ADGRA3: variants seen among roughly 807,000 people sequenced by gnomAD.
ADGRA3 encodes G-protein coupled receptor 125.
A neutral mutation model predicts 119.8 loss-of-function variants in ADGRA3; 56 were observed. The observed-to-expected ratio is 0.47, with a 90% CI of 0.38 to 0.58. ADGRA3 has a LOEUF of 0.58. Ranked by LOEUF, ADGRA3 falls within the 20% of genes least tolerant of loss-of-function variation. The probability of loss-of-function intolerance (pLI) is 0.00; values close to 1 mark genes in which losing one functional copy is unlikely to be tolerated. For missense variants in ADGRA3, 1,516 were observed against 1,649.0 expected (o/e 0.92, Z 1.40); for synonymous variants, 607 against 623.8 (o/e 0.97, Z 0.40).
intron 17 of ADGRA3, 146 bp from the exon 18 acceptor site, chr4:22,389,329 G>A (rs1298806340): frequency 3.1e-6 from 2 of 645,848 alleles, no homozygotes; most frequent in Non-Finnish European, 5.4e-6. Flanking sequence ...AAGTTGGGAG[G>A]CTGATTTATT....
At chr4:22,389,286 T>C (rs1194991908) in intron 17 of ADGRA3, 103 bp from the exon 18 acceptor site, 6 of 752,314 alleles carry the variant, frequency 8.0e-6, no homozygotes, top group Middle Eastern at 2.7e-4. Flanking sequence ...GAAGATTAAT[T>C]ATTATCTTTA....
At chr4:22,453,217 AG>A (rs200224702) in intron 4 of ADGRA3, among the ~76,000 whole-genome samples, 1,505 of 40,598 alleles carry the variant, frequency 0.037, 38 homozygotes, top group East Asian at 0.15. Context: ...AAAAAAAAAA[AG>A]AAAGAAAAAG....
chr4:22,402,820 C>T (rs3733312), intron 14 of ADGRA3, 21 bp from the exon 15 acceptor site: 71,349 of 1,601,214 alleles, frequency 0.045, 3,989 homozygotes, highest in East Asian at 0.27. Context: ...AAAGAAAGAT[C>T]CATTCTAGCA....
rs1024955725 is a variant in ADGRA3 at position 22,444,977 on chromosome 4, T to C, written c.702A>G (p.Thr234=). ...PVTGVKQELL[T]CDPPLELPSF... is the part of the protein sequence containing the mutation. The stretch of plus-strand genomic sequence containing the variant: ...CAGTTTGGATTTCTCCCTTACCGCA[T>C]GTCAACAGCTCCTGCTTCACGCCTG... The change falls in exon 6 of 19, where the codon ACA becomes ACG. Residue 234 remains threonine (T), a synonymous_variant. Transcript: ENST00000334304. The C allele has an allele frequency of 7.1e-5, 115 of 1,612,800 alleles. No individual in the cohort carries two copies. The highest frequency in any genetic ancestry group is 9.2e-5 in the Non-Finnish European group (109 of 1,179,862).
At chr4:22,412,143 T>C (rs1316653549) in intron 14 of ADGRA3, among the ~76,000 whole-genome samples, 1 of 152,098 alleles carries the variant, frequency 6.6e-6, no homozygotes, top group Non-Finnish European at 1.5e-5. Flanking sequence ...ACAGCTGGAA[T>C]CAGAAATAAC....
chr4:22,445,901 T>A (rs1449249122), intron 5 of ADGRA3, among the ~76,000 whole-genome samples: 1 of 152,204 alleles, frequency 6.6e-6, no homozygotes, highest in African/African-American at 2.4e-5. Context: ...CAAAATCTCT[T>A]AAATACTATA....
rs144876366 is a variant in ADGRA3 at position 22,423,948 on chromosome 4, T to C, written c.1605+243A>G. On this transcript the variant is annotated intron_variant, in intron 11 of 18. Transcript: ENST00000334304. Reference sequence around the variant, plus strand: ...ATTACTCAAAAGCAAAATTAACTTATAAAATGTTAGAAGAAATTCTGTAAT... The same window carrying C: ...ATTACTCAAAAGCAAAATTAACTTACAAAATGTTAGAAGAAATTCTGTAAT... Among the ~76,000 whole-genome samples, 684 of 152,302 alleles carry C rather than the reference T, an allele frequency of 4.5e-3. 9 individuals carry two copies. The highest frequency in any genetic ancestry group is 0.015 in the African/African-American group (637 of 41,566).
At chr4:22,471,487 T>A (rs1020213800) in intron 2 of ADGRA3, among the ~76,000 whole-genome samples, 4 of 152,122 alleles carry the variant, frequency 2.6e-5, no homozygotes, top group African/African-American at 7.2e-5. Context: ...CTTTCATCAC[T>A]TTTTCTTTCT....
intron 10 of ADGRA3, among the ~76,000 whole-genome samples, chr4:22,425,006 C>T (rs1715873164): frequency 6.6e-6 from 1 of 150,828 alleles, no homozygotes; most frequent in Admixed American, 6.6e-5. Flanking sequence ...AGCTGGGAGG[C>T]AGACACTGCA....
chr4:22,395,372 AGAT>A (rs761811637), intron 16 of ADGRA3, among the ~76,000 whole-genome samples: 61 of 152,344 alleles, frequency 4.0e-4, no homozygotes, highest in Non-Finnish European at 7.8e-4. Flanking sequence ...ACAAGCATAT[AGAT>A]GATGAATATG....
intron 17 of ADGRA3, among the ~76,000 whole-genome samples, chr4:22,391,836 G>A (rs1714145955): frequency 6.6e-6 from 1 of 152,092 alleles, no homozygotes; most frequent in African/African-American, 2.4e-5. Context: ...CATGATCACA[G>A]TAAAGTTCAC....
At chr4:22,396,229 TAAG>T (rs764051552) in intron 16 of ADGRA3, among the ~76,000 whole-genome samples, 1 of 152,190 alleles carries the variant, frequency 6.6e-6, no homozygotes, top group Non-Finnish European at 1.5e-5. Flanking sequence ...AGAAAGCACC[TAAG>T]GTCCTACCTG....
intron 14 of ADGRA3, 97 bp downstream of exon 14, chr4:22,413,085 A>AC (rs1553873724): frequency 0.014 from 11,883 of 871,622 alleles, 227 homozygotes; most frequent in Middle Eastern, 0.022. Context: ...TAAAAAAAAA[A>AC]AAAAAACAAA....
At chr4:22,442,531 C>A (rs1716656214) in intron 7 of ADGRA3, 119 bp downstream of exon 7, 2 of 620,502 alleles carry the variant, frequency 3.2e-6, no homozygotes, top group African/African-American at 1.9e-5. Flanking sequence ...CAGATGTTTG[C>A]ATTTTTAAAT....
At chr4:22,465,206 G>A (rs1238675160) in intron 2 of ADGRA3, among the ~76,000 whole-genome samples, 1 of 152,056 alleles carries the variant, frequency 6.6e-6, no homozygotes, top group African/African-American at 2.4e-5. Flanking sequence ...TTTGGTTGGG[G>A]GAGCAGCCTT....
chr4:22,457,648 A>G (rs1176282405), intron 3 of ADGRA3, among the ~76,000 whole-genome samples: 1 of 152,238 alleles, frequency 6.6e-6, no homozygotes, highest in Non-Finnish European at 1.5e-5. Context: ...ATCAGTAATT[A>G]TATTAAATAC....
chr4:22,466,835 G>A (rs1717676695), intron 2 of ADGRA3, among the ~76,000 whole-genome samples: 1 of 152,186 alleles, frequency 6.6e-6, no homozygotes, highest in Non-Finnish European at 1.5e-5. Context: ...GGTTCCACAA[G>A]AGCAGGCTCT....
chr4:22,454,779 A>G, intron 4 of ADGRA3, 87 bp downstream of exon 4: 1 of 978,218 alleles, frequency 1.0e-6, no homozygotes, highest in Non-Finnish European at 1.6e-6. Flanking sequence ...GTTGCTACTT[A>G]TAATTAAATA....
At chr4:22,419,563 C>T (rs1715565208) in intron 12 of ADGRA3, among the ~76,000 whole-genome samples, 1 of 152,068 alleles carries the variant, frequency 6.6e-6, no homozygotes, top group African/African-American at 2.4e-5. Flanking sequence ...CAAGTAGAAA[C>T]TCTCCTTACC....
Sources: gnomAD v4.1 joint callset for allele counts (sites outside exome capture counted in the v4.1 genomes callset) on GRCh38, gnomAD v4.1.1 for gene constraint, MANE v1.5 for transcripts, NCBI Gene and HGNC (gene_info 2026-07-23, HGNC 2026-07-21) for gene names.